SNX29: variants seen among roughly 807,000 people sequenced by gnomAD.
SNX29 encodes sorting nexin-29.
In SNX29, 78 loss-of-function variants were observed where a neutral mutation model predicts 102.1. The ratio of observed to expected loss-of-function variants is 0.76; its 90% CI spans 0.64 to 0.92. The LOEUF (loss-of-function observed/expected upper bound fraction) is 0.92. Ranked by LOEUF, SNX29 falls within the 40% of genes least tolerant of loss-of-function variation. SNX29 has a pLI of 0.00. For missense variants in SNX29, 1,280 were observed against 1,061.7 expected, an observed-to-expected ratio of 1.21 and a Z score of -2.86; for synonymous variants, 580 against 414.5, an observed-to-expected ratio of 1.40 and a Z score of -4.85.
At chr16:12,135,387 C>T (rs1006197250) in intron 13 of SNX29, among the ~76,000 whole-genome samples, 1 of 152,248 alleles carries the variant, frequency 6.6e-6, no homozygotes, top group Admixed American at 6.5e-5. Context: ...TCTGCCCCTA[C>T]AGGGCTCCAG....
rs374131711 is a variant in SNX29, at chr16:12,403,012, G to A, written c.1956-436G>A. The stretch of plus-strand genomic sequence containing the variant: ...AAAGTCAGCTCAGTGAGGAGGCAGC[G>A]TGACTGCTGGGTGCTCCAGAAACGC... On this transcript the variant is annotated intron_variant, in intron 17 of 20. Coordinates refer to ENST00000566228, the MANE Select transcript of SNX29 (RefSeq NM_032167.5). 4.3e-4 allele frequency among the ~76,000 whole-genome samples: 66 copies of A among 152,272 alleles called. 2 individuals carry two copies. In the South Asian group the frequency reaches 0.012, roughly 28 times the overall value.
intron 13 of SNX29, among the ~76,000 whole-genome samples, chr16:12,197,805 C>T (rs367725054): frequency 2.0e-5 from 3 of 151,402 alleles, no homozygotes; most frequent in East Asian, 3.9e-4. Context: ...AGATGAACGT[C>T]GAGTTCTCAG....
intron 14 of SNX29, among the ~76,000 whole-genome samples, chr16:12,257,718 G>C (rs904045085): frequency 2.0e-5 from 3 of 150,140 alleles, no homozygotes; most frequent in Non-Finnish European, 4.4e-5. Context: ...TGTAGCATCA[G>C]GGTTTCTCTG....
chr16:12,136,872 T>C (rs1012615049), intron 13 of SNX29, among the ~76,000 whole-genome samples: 53 of 152,292 alleles, frequency 3.5e-4, no homozygotes, highest in African/African-American at 1.2e-3. Flanking sequence ...CCTGAGTAGC[T>C]GGGATTACAG....
chr16:12,116,065 A>G (rs2053686458), intron 11 of SNX29, among the ~76,000 whole-genome samples: 1 of 152,240 alleles, frequency 6.6e-6, no homozygotes, highest in South Asian at 2.1e-4. Context: ...GATATCTGCC[A>G]TACTAATTTC....
intron 20 of SNX29, among the ~76,000 whole-genome samples, chr16:12,531,408 AT>A (rs34842832): frequency 0.03 from 4,495 of 152,274 alleles, 106 homozygotes; most frequent in South Asian, 0.12. Flanking sequence ...TGCCCTCAAA[AT>A]GTTGCAGACA....
chr16:12,180,741 T>C (rs1429639025), intron 13 of SNX29, among the ~76,000 whole-genome samples: 2 of 152,204 alleles, frequency 1.3e-5, no homozygotes, highest in African/African-American at 4.8e-5. Flanking sequence ...GGCCTCGGCC[T>C]CCCAAAGTGC....
intron 11 of SNX29, chr16:12,089,748 G>T: frequency 3.4e-6 from 1 of 291,814 alleles, no homozygotes; most frequent in South Asian, 2.7e-5. Context: ...ACTTGAAGCA[G>T]GGGCGATAGG....
intron 14 of SNX29, among the ~76,000 whole-genome samples, chr16:12,234,471 C>G (rs1268975961): frequency 6.6e-6 from 1 of 151,952 alleles, no homozygotes; most frequent in Non-Finnish European, 1.5e-5. Flanking sequence ...AGACCCGTAT[C>G]AGAGATACGT....
intron 15 of SNX29, among the ~76,000 whole-genome samples, chr16:12,331,417 C>G (rs776218763): frequency 6.6e-6 from 1 of 152,142 alleles, no homozygotes; most frequent in Non-Finnish European, 1.5e-5. Context: ...GCATTTGAAG[C>G]AGCATAGCGT....
chr16:12,487,317 G>A (rs569685603), intron 19 of SNX29, among the ~76,000 whole-genome samples: 24 of 152,260 alleles, frequency 1.6e-4, no homozygotes, highest in African/African-American at 4.6e-4. Context: ...TGGTCCCGCC[G>A]AAAACCTCAA....
chr16:12,341,348 C>A (rs969119701), intron 15 of SNX29, among the ~76,000 whole-genome samples: 1 of 152,218 alleles, frequency 6.6e-6, no homozygotes, highest in African/African-American at 2.4e-5. Flanking sequence ...TACCTACTTC[C>A]TGTGGCTGTT....
At chr16:12,303,496 C>G (rs2080246928) in intron 15 of SNX29, among the ~76,000 whole-genome samples, 1 of 152,152 alleles carries the variant, frequency 6.6e-6, no homozygotes, top group Admixed American at 6.5e-5. Context: ...CAGCCAAACA[C>G]ATTCGTAAGA....
chr16:12,327,982 A>G (rs1225902224), intron 15 of SNX29, among the ~76,000 whole-genome samples: 1 of 152,136 alleles, frequency 6.6e-6, no homozygotes, highest in Non-Finnish European at 1.5e-5. Flanking sequence ...CCATATTCAG[A>G]CACTGTCAGC....
intron 3 of SNX29, among the ~76,000 whole-genome samples, chr16:12,023,731 G>A (rs2057101052): frequency 6.6e-6 from 1 of 152,168 alleles, no homozygotes; most frequent in Non-Finnish European, 1.5e-5. Context: ...GCAGTGGAAA[G>A]CCTTAGTGTG....
chr16:12,088,374 T>C (rs1025608217), intron 11 of SNX29, among the ~76,000 whole-genome samples: 2 of 152,040 alleles, frequency 1.3e-5, no homozygotes, highest in Non-Finnish European at 1.5e-5. Context: ...TTTTAGGACA[T>C]GGGTGCTGAC....
intron 11 of SNX29, among the ~76,000 whole-genome samples, chr16:12,122,786 T>A (rs939014942): frequency 2.0e-5 from 3 of 152,074 alleles, no homozygotes; most frequent in Non-Finnish European, 4.4e-5. Flanking sequence ...GAGGCCGGGC[T>A]CCAACTTTTT....
chr16:12,531,224 CCT>C (rs150770746), intron 20 of SNX29, among the ~76,000 whole-genome samples: 1,976 of 152,316 alleles, frequency 0.013, 21 homozygotes, highest in Non-Finnish European at 0.018. Flanking sequence ...CAAGTCATCC[CCT>C]GTGCCTGGAG....
chr16:12,448,677 A>G (rs2086170137), intron 18 of SNX29, among the ~76,000 whole-genome samples: 1 of 152,112 alleles, frequency 6.6e-6, no homozygotes. Context: ...ACTTTATCGC[A>G]TTCCACCCTG....
Sources: allele counts gnomAD v4.1 joint callset (sites outside exome capture counted in the v4.1 genomes callset), GRCh38; gene constraint gnomAD v4.1.1; transcripts MANE v1.5; gene names NCBI Gene and HGNC (gene_info 2026-07-23, HGNC 2026-07-21).